Variants in MAGI2 observed in about 807,000 individuals in gnomAD.
MAGI2 encodes the protein membrane-associated guanylate kinase, WW and PDZ domain-containing protein 2.
MAGI2 carries 35 observed loss-of-function variants against 133.3 expected under a neutral mutation model. The ratio of observed to expected loss-of-function variants is 0.26; its 90% CI spans 0.20 to 0.35. MAGI2 has a LOEUF of 0.35. MAGI2 is among the 10% of genes least tolerant of loss of function. The probability of loss-of-function intolerance (pLI) is 1.00; values close to 1 mark genes in which losing one functional copy is unlikely to be tolerated. For missense variants in MAGI2, 1,636 were observed against 1,863.4 expected, an observed-to-expected ratio of 0.88 and a Z score of 2.25; for synonymous variants, 729 against 710.6, an observed-to-expected ratio of 1.03 and a Z score of -0.41.
intron 2 of MAGI2, among the ~76,000 whole-genome samples, chr7:78,673,257 CAATAG>C (rs986963934): frequency 4.6e-5 from 7 of 151,504 alleles, no homozygotes; most frequent in African/African-American, 1.2e-4. Context: ...GAAATAGAAC[CAATAG>C]AATATATGTG....
At chr7:79,073,527 C>G (rs77624718) in intron 1 of MAGI2, among the ~76,000 whole-genome samples, 5,676 of 152,178 alleles carry the variant, frequency 0.037, 232 homozygotes, top group African/African-American at 0.1. Context: ...TCTCTTGAAC[C>G]TGTCCACTTC....
At chr7:78,962,192 T>A (rs1219099293) in intron 2 of MAGI2, among the ~76,000 whole-genome samples, 1 of 152,144 alleles carries the variant, frequency 6.6e-6, no homozygotes, top group East Asian at 1.9e-4. Flanking sequence ...TTTGAAGGAA[T>A]CAAAACTTTT....
chr7:78,788,413 T>G (rs2151360574), intron 2 of MAGI2, among the ~76,000 whole-genome samples: 1 of 152,294 alleles, frequency 6.6e-6, no homozygotes, highest in Admixed American at 6.5e-5. Context: ...CCATCCAACA[T>G]TTCCATTTTA....
chr7:78,085,204 C>G (rs1329895300), intron 20 of MAGI2, among the ~76,000 whole-genome samples: 1 of 152,098 alleles, frequency 6.6e-6, no homozygotes, highest in Non-Finnish European at 1.5e-5. Context: ...CTGAGACTCT[C>G]TTTATGCTAT....
At chr7:79,239,085 C>T (rs1423276425) in intron 1 of MAGI2, among the ~76,000 whole-genome samples, 2 of 152,112 alleles carry the variant, frequency 1.3e-5, no homozygotes, top group African/African-American at 4.8e-5. Context: ...GACAGCTATG[C>T]ACTTGCACAC....
intron 1 of MAGI2, among the ~76,000 whole-genome samples, chr7:79,174,697 TA>T (rs1302582788): frequency 6.7e-6 from 1 of 150,304 alleles, no homozygotes; most frequent in African/African-American, 2.5e-5. Context: ...TTAAATTTTT[TA>T]AAAAAAGAAA....
chr7:78,379,033 T>A (rs879813891), intron 6 of MAGI2, among the ~76,000 whole-genome samples: 8 of 151,798 alleles, frequency 5.3e-5, no homozygotes, highest in Non-Finnish European at 1.2e-4. Context: ...AGACAAACAT[T>A]AGAACACAAT....
intron 1 of MAGI2, among the ~76,000 whole-genome samples, chr7:79,228,354 C>CAAAAAAAAAAAAAAGAAAAAAAAAAA (rs1831048732): frequency 3.2e-5 from 1 of 31,438 alleles, no homozygotes; most frequent in Non-Finnish European, 7.9e-5. Context: ...AAAAAACAGG[C>CAAAAAAAAAAAAAAGAAAAAAAAAAA]AAAAAAAAAA....
intron 2 of MAGI2, among the ~76,000 whole-genome samples, chr7:78,799,823 A>G (rs1787914122): frequency 6.6e-6 from 1 of 152,126 alleles, no homozygotes; most frequent in Admixed American, 6.6e-5. Context: ...TCTGCCAATT[A>G]CCAGCTCCCT....
chr7:79,174,781 T>C lies in MAGI2; in HGVS notation c.302-167575A>G, dbSNP rs993348507. Among the ~76,000 whole-genome samples, 6 of 151,922 alleles carry C rather than the reference T, an allele frequency of 3.9e-5. 1 individual carries two copies. The highest frequency in any genetic ancestry group is 2.0e-4 in the Admixed American group (3 of 15,240). ...AAAATATATAACTGAATACAAAATG[T>C]TTACTTTCAAAAAAGTAATTAATTA... On this transcript the variant is annotated intron_variant, in intron 1 of 21. Transcript: ENST00000354212.
At chr7:78,029,207 C>T (rs755660202) in intron 21 of MAGI2, among the ~76,000 whole-genome samples, 10 of 152,056 alleles carry the variant, frequency 6.6e-5, no homozygotes, top group African/African-American at 7.2e-5. Flanking sequence ...GTATAACTCA[C>T]GAGAGGTGTG....
intron 2 of MAGI2, among the ~76,000 whole-genome samples, chr7:78,921,771 A>G (rs1403960887): frequency 6.6e-6 from 1 of 152,114 alleles, no homozygotes; most frequent in Non-Finnish European, 1.5e-5. Context: ...AACTGGGACT[A>G]CAGGCACACA....
intron 2 of MAGI2, among the ~76,000 whole-genome samples, chr7:78,733,410 T>C (rs1280565927): frequency 1.3e-5 from 2 of 152,158 alleles, no homozygotes; most frequent in African/African-American, 4.8e-5. Context: ...GAGATGTATG[T>C]TGTTAAAAAT....
intron 2 of MAGI2, among the ~76,000 whole-genome samples, chr7:78,739,556 A>C (rs1822194300): frequency 6.6e-6 from 1 of 152,190 alleles, no homozygotes; most frequent in Admixed American, 6.5e-5. Flanking sequence ...ACACGAGCAC[A>C]TGACAGAAAG....
chr7:78,512,700 T>G (rs1051255444), intron 4 of MAGI2, among the ~76,000 whole-genome samples: 5 of 152,214 alleles, frequency 3.3e-5, no homozygotes, highest in African/African-American at 7.2e-5. Context: ...ATTACATCTC[T>G]TCTATTCAGG....
intron 9 of MAGI2, among the ~76,000 whole-genome samples, chr7:78,305,330 T>A (rs778291108): frequency 4.3e-4 from 66 of 152,168 alleles, no homozygotes; most frequent in Admixed American, 3.9e-4. Flanking sequence ...CCCCTTTGTA[T>A]GGAGATAACT....
chr7:78,645,824 C>T lies in MAGI2; in HGVS notation c.419-18585G>A, dbSNP rs550868574. 7.9e-5 allele frequency among the ~76,000 whole-genome samples: 12 copies of T among 151,946 alleles called. No individual in the cohort carries two copies. In the East Asian group the frequency reaches 1.7e-3, roughly 22 times the overall value. On this transcript the variant is annotated intron_variant, in intron 2 of 21. Coordinates refer to ENST00000354212, the MANE Select transcript of MAGI2 (RefSeq NM_012301.4). Reference sequence around the variant, plus strand: ...CATGATCTTGGCTCACTACAACCTCCGCCTACCAGGCTCAAGCAATTCTCA... The same window carrying T: ...CATGATCTTGGCTCACTACAACCTCTGCCTACCAGGCTCAAGCAATTCTCA...
intron 3 of MAGI2, among the ~76,000 whole-genome samples, chr7:78,548,233 C>T (rs1584585148): frequency 6.6e-6 from 1 of 152,332 alleles, no homozygotes; most frequent in East Asian, 1.9e-4. Context: ...ATTAAACAAC[C>T]TATTCCATTT....
intron 6 of MAGI2, among the ~76,000 whole-genome samples, chr7:78,371,577 G>A (rs1263659917): frequency 6.6e-6 from 1 of 151,898 alleles, no homozygotes; most frequent in Non-Finnish European, 1.5e-5. Flanking sequence ...TTTAATCTGA[G>A]TAAATTACTA....
Sources: gnomAD v4.1 joint callset for allele counts (sites outside exome capture counted in the v4.1 genomes callset) on GRCh38, gnomAD v4.1.1 for gene constraint, MANE v1.5 for transcripts, NCBI Gene and HGNC (gene_info 2026-07-23, HGNC 2026-07-21) for gene names.